PALS2: variants seen among roughly 807,000 people sequenced by gnomAD.
The protein encoded by PALS2 is protein PALS2.
PALS2 carries 27 observed loss-of-function variants against 61.6 expected under a neutral mutation model. The ratio of observed to expected loss-of-function variants is 0.44; its 90% CI spans 0.32 to 0.60. The LOEUF is 0.60. PALS2 is among the 20% of genes least tolerant of loss of function. The probability of loss-of-function intolerance (pLI) is 0.05; values close to 1 mark genes in which losing one functional copy is unlikely to be tolerated. For synonymous variants in PALS2, 236 were observed against 218.6 expected (o/e 1.08, Z -0.70); for missense variants, 554 against 639.4 (o/e 0.87, Z 1.44).
chr7:24,663,787 C>T (rs1461848552), intron 6 of PALS2, 66 bp downstream of exon 6: 1 of 1,489,866 alleles, frequency 6.7e-7, no homozygotes, highest in African/African-American at 1.4e-5. Flanking sequence ...TGATCAATAT[C>T]TGAATAGTCA....
chr7:24,685,921 T>C (rs1233865374), intron 11 of PALS2, among the ~76,000 whole-genome samples: 1 of 152,188 alleles, frequency 6.6e-6, no homozygotes, highest in African/African-American at 2.4e-5. Context: ...GCTAATGATT[T>C]ATATACAGCT....
chr7:24,660,992 A>G (rs1304011091), intron 5 of PALS2, among the ~76,000 whole-genome samples: 6 of 152,320 alleles, frequency 3.9e-5, no homozygotes, highest in Admixed American at 2.6e-4. Context: ...CTTAAAAGCC[A>G]TTTGTACTTC....
chr7:24,648,287 TTC>T (rs1249222788), intron 3 of PALS2, among the ~76,000 whole-genome samples: 1 of 148,656 alleles, frequency 6.7e-6, no homozygotes, highest in Non-Finnish European at 1.5e-5. Context: ...GTAAAAATTA[TTC>T]TTTTTTTTTT....
chr7:24,641,918 T>A, intron 3 of PALS2, 50 bp downstream of exon 3: 1 of 1,555,164 alleles, frequency 6.4e-7, no homozygotes, highest in South Asian at 1.2e-5. Context: ...TCCCAAAGTA[T>A]TCTCCTTTAC....
intron 5 of PALS2, among the ~76,000 whole-genome samples, chr7:24,663,076 C>T (rs945708309): frequency 6.6e-6 from 1 of 151,670 alleles, no homozygotes; most frequent in Non-Finnish European, 1.5e-5. Flanking sequence ...GCATATAAAT[C>T]AGAGCAAGAT....
chr7:24,680,616 G>A, intron 11 of PALS2, 96 bp downstream of exon 11: 1 of 1,409,710 alleles, frequency 7.1e-7, no homozygotes, highest in Non-Finnish European at 9.4e-7. Context: ...TTATTTTTGA[G>A]GCAGAGTTTT....
At chr7:24,661,414 A>G (rs911757135) in intron 5 of PALS2, among the ~76,000 whole-genome samples, 15 of 152,182 alleles carry the variant, frequency 9.9e-5, no homozygotes, top group Admixed American at 3.3e-4. Flanking sequence ...CATTTCCATA[A>G]CAATTTGACA....
chr7:24,575,392 A>T (rs192872718), intron 1 of PALS2, among the ~76,000 whole-genome samples: 1 of 152,250 alleles, frequency 6.6e-6, no homozygotes, highest in East Asian at 1.9e-4. Context: ...AAAATGAATC[A>T]TATTTTTAAA....
rs531314281 is a variant in PALS2, at chr7:24,689,716, A to G, written c.*2102A>G. ...ATAACAGTGGAAACTTTCAAACTACATGTGTTTACACCAAATTCTTGGCTT... is the reference window on the plus strand; with the variant it reads ...ATAACAGTGGAAACTTTCAAACTACGTGTGTTTACACCAAATTCTTGGCTT... On this transcript the variant is annotated 3_prime_UTR_variant, in exon 12 of 12. Coordinates refer to ENST00000222644, the MANE Select transcript of PALS2 (RefSeq NM_001303037.2). 6 of 152,256 alleles carry G rather than the reference A, an allele frequency of 3.9e-5. No individual in the cohort carries two copies. In the South Asian group the frequency reaches 1.0e-3, roughly 26 times the overall value. 9.4% of individuals were successfully genotyped at this position (152,256 alleles called of 1,614,324 possible).
Position 24,691,405 on chromosome 7 carries a change from G to GTGTGTACATATATA in PALS2, c.*3792_*3793insGTGTACATATATAT, listed in dbSNP as rs1274329385. ...ATATTATGTATGTGTGTGTGTGTGT[G>GTGTGTACATATATA]TATATATATATATATATATATATAT... On this transcript the variant is annotated 3_prime_UTR_variant, in exon 12 of 12. Transcript: ENST00000222644. 1 of 110,596 alleles carries GTGTGTACATATATA rather than the reference G, an allele frequency of 9.0e-6. No homozygotes were observed. Among genetic ancestry groups the GTGTGTACATATATA allele is most frequent in the Non-Finnish European group, 1.9e-5 (1 of 52,308 alleles). The allele number at this position is 110,596 out of a possible 1,614,324, so 6.9% of individuals were successfully genotyped here.
At chr7:24,624,047 G>A in intron 2 of PALS2, 1 of 1,314,918 alleles carries the variant, frequency 7.6e-7, no homozygotes, top group African/African-American at 1.5e-5. Context: ...TACCTGCACA[G>A]TTGTGTTTTA....
intron 1 of PALS2, among the ~76,000 whole-genome samples, chr7:24,600,784 T>G (rs934370030): frequency 3.3e-5 from 5 of 152,192 alleles, no homozygotes; most frequent in African/African-American, 1.2e-4. Flanking sequence ...TAAGAAACCA[T>G]GTCATCTAAG....
In PALS2 at chr7:24,663,596, G is replaced by C. The variant is rs767911744; in HGVS notation, c.658G>C (p.Val220Leu). The C allele has an allele frequency of 7.5e-6, 12 of 1,590,460 alleles. No individual in the cohort carries two copies. The highest frequency in any genetic ancestry group is 1.0e-5 in the Non-Finnish European group (12 of 1,162,486). ...RDTITPQQVF[V>L]KCHFDYNPYN... ...ATTGTGCTATGTGTTTTAGGTATTTGTGAAGTGTCATTTTGATTATAATCC... is the reference window on the plus strand; with the variant it reads ...ATTGTGCTATGTGTTTTAGGTATTTCTGAAGTGTCATTTTGATTATAATCC... Residue 220 changes from valine to leucine, a missense_variant, in exon 6 of 12, where the codon GTG becomes CTG. Coordinates refer to ENST00000222644, the MANE Select transcript of PALS2 (RefSeq NM_001303037.2).
At chr7:24,613,553 G>A (rs1306983994) in intron 1 of PALS2, among the ~76,000 whole-genome samples, 7 of 151,844 alleles carry the variant, frequency 4.6e-5, no homozygotes, top group Admixed American at 4.6e-4. Flanking sequence ...AGGATAATTA[G>A]CATATCCATT....
intron 5 of PALS2, among the ~76,000 whole-genome samples, chr7:24,659,968 G>A (rs1423341181): frequency 6.6e-6 from 1 of 152,118 alleles, no homozygotes; most frequent in Admixed American, 6.5e-5. Context: ...AGACCATCAG[G>A]CTTCACCTTT....
intron 2 of PALS2, among the ~76,000 whole-genome samples, chr7:24,640,963 G>A (rs1185957800): frequency 9.5e-5 from 13 of 136,246 alleles, no homozygotes; most frequent in East Asian, 4.5e-4. Context: ...AGCTGAGGTC[G>A]CGCCACTGCA....
chr7:24,609,731 A>G (rs1285193576), intron 1 of PALS2, among the ~76,000 whole-genome samples: 2 of 151,754 alleles, frequency 1.3e-5, no homozygotes, highest in Non-Finnish European at 2.9e-5. Context: ...CCACATCCCC[A>G]TTCAGAGCCC....
At chr7:24,648,673 AG>A (rs534913384) in intron 3 of PALS2, among the ~76,000 whole-genome samples, 2 of 152,070 alleles carry the variant, frequency 1.3e-5, no homozygotes, top group Non-Finnish European at 1.5e-5. Flanking sequence ...TGGGAGGCCG[AG>A]GTGGGCGGAT....
chr7:24,693,353 C>A lies in PALS2; in HGVS notation c.*5739C>A, dbSNP rs753508760. Reference sequence around the variant, plus strand: ...CAGGTCATATATGAAATTTGGCTCTCCTCCTATCAAAGTAGCCTAGGAGCT... The same window carrying A: ...CAGGTCATATATGAAATTTGGCTCTACTCCTATCAAAGTAGCCTAGGAGCT... On this transcript the variant is annotated 3_prime_UTR_variant, in exon 12 of 12. Coordinates refer to ENST00000222644, the MANE Select transcript of PALS2 (RefSeq NM_001303037.2). 6.6e-6 allele frequency: 1 copy of A among 152,134 alleles called. No individual in the cohort carries two copies. The highest frequency in any genetic ancestry group is 1.5e-5 in the Non-Finnish European group (1 of 68,016). 9.4% of individuals were successfully genotyped at this position (152,134 alleles called of 1,614,324 possible).
Sources: allele counts gnomAD v4.1 joint callset (sites outside exome capture counted in the v4.1 genomes callset), GRCh38; gene constraint gnomAD v4.1.1; transcripts MANE v1.5; gene names NCBI Gene and HGNC (gene_info 2026-07-23, HGNC 2026-07-21).